The following MAD1L1 variants were observed in gnomAD, a reference collection of about 807,000 sequenced individuals.
The protein encoded by MAD1L1 is mitotic arrest deficient 1 like 1, also known as mitotic spindle assembly checkpoint protein MAD1.
Under a neutral mutation model 96.9 loss-of-function variants are expected in MAD1L1, and 95 were observed. The observed-to-expected ratio is 0.98, with a 90% CI of 0.83 to 1.16. MAD1L1 has a LOEUF of 1.16. Among genes scored for constraint, MAD1L1 ranks in the 50% most tolerant of loss-of-function variants. MAD1L1 has a pLI of 0.00. For synonymous variants in MAD1L1, 473 were observed against 396.6 expected (o/e 1.19, Z -2.29); for missense variants, 1,007 against 954.4 (o/e 1.06, Z -0.73).
At chr7:1,898,174 G>A (rs749837610) in intron 18 of MAD1L1, 26 bp downstream of exon 18, 36 of 1,578,910 alleles carry the variant, frequency 2.3e-5, no homozygotes, top group Admixed American at 7.4e-5. Context: ...CGAGACAGCC[G>A]GAGAGCCGTC....
chr7:2,123,228 C>G (rs145639697), intron 11 of MAD1L1, among the ~76,000 whole-genome samples: 4 of 150,326 alleles, frequency 2.7e-5, no homozygotes, highest in African/African-American at 7.3e-5. Context: ...TGGCATGAAC[C>G]CGGAAAGCGG....
intron 12 of MAD1L1, among the ~76,000 whole-genome samples, chr7:2,036,675 C>T (rs1236409220): frequency 2.6e-5 from 4 of 152,156 alleles, no homozygotes; most frequent in Admixed American, 2.6e-4. Context: ...GAAGAGCTTA[C>T]CCCTAAAGGC....
intron 11 of MAD1L1, among the ~76,000 whole-genome samples, chr7:2,129,300 C>T (rs1217931601): frequency 1.3e-5 from 2 of 152,218 alleles, no homozygotes; most frequent in Admixed American, 6.5e-5. Flanking sequence ...GAGGGAAAGC[C>T]CAGGTTTTTG....
In MAD1L1 at chr7:1,898,506, G is replaced by C; in HGVS notation, c.1808-116C>G. On this transcript the variant is annotated intron_variant, in intron 17 of 18. Transcript: ENST00000265854. ...ACAGGTGGGAGTGGCGGCTGCCCAG[G>C]GACACAGCAAGCCCCCGTGTCACAC... is the stretch of plus-strand genomic sequence containing the variant. 6.2e-6 allele frequency: 5 copies of C among 803,280 alleles called. No homozygotes were observed. In the South Asian group the frequency reaches 8.6e-5, roughly 14 times the overall value. 49.8% of individuals were successfully genotyped at this position (803,280 alleles called of 1,614,324 possible).
At chr7:1,899,304 G>A (rs1031721935) in intron 17 of MAD1L1, among the ~76,000 whole-genome samples, 1 of 152,216 alleles carries the variant, frequency 6.6e-6, no homozygotes, top group East Asian at 1.9e-4. Context: ...GACGCACACA[G>A]AGCCGTCCCC....
chr7:2,071,379 G>A (rs1306178344), intron 11 of MAD1L1, among the ~76,000 whole-genome samples: 1 of 152,248 alleles, frequency 6.6e-6, no homozygotes, highest in African/African-American at 2.4e-5. Flanking sequence ...CCACAGACTG[G>A]GGCCAATGTA....
chr7:2,047,764 C>G (rs983304319), intron 12 of MAD1L1, among the ~76,000 whole-genome samples: 2 of 149,716 alleles, frequency 1.3e-5, no homozygotes, highest in Non-Finnish European at 3.0e-5. Flanking sequence ...CACATGCATA[C>G]AGAGAGCTGC....
intron 17 of MAD1L1, among the ~76,000 whole-genome samples, chr7:1,927,267 C>G (rs1562530307): frequency 6.6e-6 from 1 of 152,194 alleles, no homozygotes; most frequent in Non-Finnish European, 1.5e-5. Flanking sequence ...ACATTGTGTT[C>G]ATGTATCGGA....
At chr7:1,911,379 C>T (rs919574700) in intron 17 of MAD1L1, among the ~76,000 whole-genome samples, 4 of 152,066 alleles carry the variant, frequency 2.6e-5, no homozygotes, top group African/African-American at 9.7e-5. Flanking sequence ...GGGAGCACTG[C>T]CCCCGGCGCA....
Position 2,128,001 on chromosome 7 carries a change from A to G in MAD1L1, c.1073+21151T>C, listed in dbSNP as rs551391880. Among the ~76,000 whole-genome samples, 3 of 152,250 alleles carry G rather than the reference A, an allele frequency of 2.0e-5. No homozygotes were observed. The Middle Eastern group carries it at 0.01, about 518-fold the overall frequency. On this transcript the variant is annotated intron_variant, in intron 11 of 18. Transcript: ENST00000265854. ...TCTCGGAACTTCATGATGAGAACAA[A>G]TGGATGAAAGGCCCTGACACTGAGA... is the stretch of plus-strand genomic sequence containing the variant.
intron 17 of MAD1L1, among the ~76,000 whole-genome samples, chr7:1,935,835 C>T (rs936274390): frequency 4.0e-4 from 61 of 152,376 alleles, no homozygotes; most frequent in African/African-American, 1.2e-3. Flanking sequence ...AGCCTGCAGA[C>T]ACCCCCAAGG....
intron 18 of MAD1L1, among the ~76,000 whole-genome samples, chr7:1,884,562 C>G (rs936065823): frequency 1.3e-5 from 2 of 152,256 alleles, no homozygotes; most frequent in African/African-American, 4.8e-5. Context: ...CTTCCTGCCT[C>G]TCAGCCCAAT....
intron 18 of MAD1L1, among the ~76,000 whole-genome samples, chr7:1,886,053 C>G (rs1033911756): frequency 6.6e-6 from 1 of 152,264 alleles, no homozygotes; most frequent in African/African-American, 2.4e-5. Context: ...CCCTCGTCCG[C>G]GTATCAGGGC....
intron 10 of MAD1L1, among the ~76,000 whole-genome samples, chr7:2,170,707 A>C (rs1369477113): frequency 6.6e-6 from 1 of 152,212 alleles, no homozygotes; most frequent in Admixed American, 6.5e-5. Context: ...TGCACGAGAA[A>C]GGGTTTCCAA....
rs531178680 is a variant in MAD1L1 at position 1,969,269 on chromosome 7, A to G, written c.1505+11184T>C. Among the ~76,000 whole-genome samples the G allele has an allele frequency of 1.1e-4, 17 of 152,278 alleles. No individual in the cohort carries two copies. The South Asian group carries it at 3.5e-3, about 32-fold the overall frequency. ...CATGGTGGCACATGATTGTAATCAC[A>G]GCTACTCGGGAGGCTGAGGCAGGAT... is the stretch of plus-strand genomic sequence containing the variant. On this transcript the variant is annotated intron_variant, in intron 15 of 18. Transcript: ENST00000265854.
chr7:1,947,941 A>G (rs918760231), intron 16 of MAD1L1, among the ~76,000 whole-genome samples: 1 of 152,204 alleles, frequency 6.6e-6, no homozygotes, highest in Non-Finnish European at 1.5e-5. Flanking sequence ...GGGAGAGGGC[A>G]GCCTGAAGCA....
rs1789306483 is a variant in MAD1L1 at position 2,146,423 on chromosome 7, G to A, written c.1073+2729C>T. Among the ~76,000 whole-genome samples the A allele has an allele frequency of 6.6e-6, 1 of 152,176 alleles. No individual in the cohort carries two copies. The highest frequency in any genetic ancestry group is 1.5e-5 in the Non-Finnish European group (1 of 68,028). On this transcript the variant is annotated intron_variant, in intron 11 of 18. Transcript: ENST00000265854. This position sits in a 1 kb window ranked among gnomAD's most constrained non-coding sequence, Gnocchi z 6.2. ...CGGGCACTGGGCTACGAGGAACAGG[G>A]CAGTGGAGCCGCACCCTGAGAAGCT...
chr7:2,058,602 C>G (rs1227963085), intron 12 of MAD1L1, among the ~76,000 whole-genome samples: 1 of 57,280 alleles, frequency 1.7e-5, no homozygotes, highest in Non-Finnish European at 3.4e-5. Context: ...AGAGGAGAGG[C>G]GCGGGGCTAG....
At chr7:1,896,175 AGCCTGGGG>A (rs895656089) in intron 18 of MAD1L1, among the ~76,000 whole-genome samples, 52 of 152,108 alleles carry the variant, frequency 3.4e-4, no homozygotes, top group African/African-American at 1.3e-3. Flanking sequence ...TGACCTCAGG[AGCCTGGGG>A]GCTGAGAGGG....
Sources: gnomAD v4.1 joint callset for allele counts (sites outside exome capture counted in the v4.1 genomes callset) on GRCh38, gnomAD v4.1.1 for gene constraint, Gnocchi (gnomAD v3.1) non-coding constraint, MANE v1.5 for transcripts, NCBI Gene and HGNC (gene_info 2026-07-23, HGNC 2026-07-21) for gene names.